The following CYP2C8 variants were observed in gnomAD, a reference collection of about 807,000 sequenced individuals.
The protein encoded by CYP2C8 is cytochrome P450 family 2 subfamily C member 8, also known as cytochrome P450 2C8.
In CYP2C8, 51 loss-of-function variants were observed where a neutral mutation model predicts 41.3. The observed-to-expected ratio is 1.24, with a 90% confidence interval of 0.99 to 1.56. The LOEUF is 1.56. Among genes scored for constraint, CYP2C8 ranks in the 40% most tolerant of loss-of-function variants. CYP2C8 has a pLI of 0.00. For missense variants in CYP2C8, 651 were observed against 579.9 expected, an observed-to-expected ratio of 1.12 and a Z score of -1.26; for synonymous variants, 218 against 205.8, an observed-to-expected ratio of 1.06 and a Z score of -0.51.
chr10:95,055,353 A>G (rs1430818163), intron 5 of CYP2C8, among the ~76,000 whole-genome samples: 8 of 152,126 alleles, frequency 5.3e-5, no homozygotes, highest in Admixed American at 1.3e-4. Context: ...CTAAAGGAAG[A>G]GTTTCAAAAA....
intron 6 of CYP2C8, among the ~76,000 whole-genome samples, chr10:95,043,535 T>G (rs1171736807): frequency 6.6e-6 from 1 of 152,156 alleles, no homozygotes; most frequent in African/African-American, 2.4e-5. Context: ...ATTCTTCCAT[T>G]TCCAATTGTG....
At chr10:95,058,282 G>A (rs1384306898) in intron 5 of CYP2C8, 53 bp downstream of exon 5, 29 of 1,608,028 alleles carry the variant, frequency 1.8e-5, no homozygotes, top group Non-Finnish European at 2.3e-5. Context: ...AGGATTCGAT[G>A]AATCACAAAA....
At chr10:95,049,614 C>A (rs946062443) in intron 5 of CYP2C8, among the ~76,000 whole-genome samples, 2 of 152,116 alleles carry the variant, frequency 1.3e-5, no homozygotes, top group East Asian at 3.9e-4. Context: ...TTTCTACAAG[C>A]CTCATCACTG....
intron 4 of CYP2C8, among the ~76,000 whole-genome samples, chr10:95,059,049 C>G (rs552401893): frequency 8.5e-5 from 13 of 152,160 alleles, no homozygotes; most frequent in East Asian, 3.9e-4. Context: ...ATCATTGTTG[C>G]ACATTTGGCT....
In CYP2C8 at chr10:95,058,369, T is replaced by C. The variant is rs780136126; in HGVS notation, c.785A>G (p.Asp262Gly). The C allele has an allele frequency of 6.2e-7, 1 of 1,613,452 alleles. No individual in the cohort carries two copies. The highest frequency in any genetic ancestry group is 1.1e-5 in the South Asian group (1 of 91,070). ...TTTGATCAGGAAGCAATCGATAAAG[T>C]CCCGAGGATTGTTAACATCCAGTGA... ...QASLDVNNPRDFIDCFLIKME... is the reference protein window; with the variant it reads ...QASLDVNNPRGFIDCFLIKME... The change falls in exon 5 of 9, where the codon GAC (aspartate) becomes GGC (glycine). Residue 262 changes from aspartate (D) to glycine (G), a missense_variant. By Grantham distance (94) the Asp-to-Gly change is moderately conservative. Transcript: ENST00000371270.
At chr10:95,050,765 C>T (rs991918098) in intron 5 of CYP2C8, among the ~76,000 whole-genome samples, 1 of 152,106 alleles carries the variant, frequency 6.6e-6, no homozygotes, top group South Asian at 2.1e-4. Flanking sequence ...AACTCATTTC[C>T]CATTTATTAA....
intron 4 of CYP2C8, among the ~76,000 whole-genome samples, chr10:95,061,885 A>G (rs2033444548): frequency 6.6e-6 from 1 of 152,060 alleles, no homozygotes; most frequent in Non-Finnish European, 1.5e-5. Flanking sequence ...TTCTGCCTTC[A>G]TTTCTTTAGG....
intron 4 of CYP2C8, among the ~76,000 whole-genome samples, chr10:95,060,828 A>C (rs1029956765): frequency 6.6e-6 from 1 of 152,130 alleles, no homozygotes; most frequent in Non-Finnish European, 1.5e-5. Flanking sequence ...ATCAATACCT[A>C]ATTTATTGAG....
chr10:95,044,758 T>G (rs1405939252), intron 6 of CYP2C8, among the ~76,000 whole-genome samples: 2 of 152,196 alleles, frequency 1.3e-5, no homozygotes, highest in Non-Finnish European at 2.9e-5. Context: ...AAAGGAGTTA[T>G]GGAGGAAACT....
At chr10:95,051,388 A>T in intron 5 of CYP2C8, among the ~76,000 whole-genome samples, 1 of 152,180 alleles carries the variant, frequency 6.6e-6, no homozygotes, top group East Asian at 1.9e-4. Flanking sequence ...TGCAAATCTA[A>T]GAGTTATTGG....
intron 7 of CYP2C8, 142 bp from the exon 8 acceptor site, chr10:95,039,180 G>C: frequency 1.3e-6 from 1 of 754,550 alleles, no homozygotes; most frequent in East Asian, 2.6e-5. Flanking sequence ...ACATGGATGA[G>C]CTTAAGGCCA....
rs1326941019 is a variant in CYP2C8 at position 95,067,303 on chromosome 10, G to T, written c.386C>A (p.Thr129Lys). 1 of 1,614,160 alleles carries T rather than the reference G, an allele frequency of 6.2e-7. No individual in the cohort carries two copies. The highest frequency in any genetic ancestry group is 1.3e-5 in the African/African-American group (1 of 75,026). The change falls in exon 3 of 9, where the codon ACA becomes AAA. Residue 129 changes from threonine (T) to lysine (K), a missense_variant. By Grantham distance (78) the Thr-to-Lys change is moderately conservative. Coordinates refer to ENST00000371270, the MANE Select transcript of CYP2C8 (RefSeq NM_000770.3). ...RWKEIRRFSL[T>K]TLRNFGMGKR... is the part of the protein sequence containing the mutation. ...CCCCATCCCAAAATTCCGCAAGGTT[G>T]TGAGGGAGAAACGCCGGATCTCCTT...
intron 8 of CYP2C8, 93 bp from the exon 9 acceptor site, chr10:95,037,402 A>G (rs2032907688): frequency 3.8e-6 from 4 of 1,058,842 alleles, no homozygotes; most frequent in African/African-American, 3.2e-5. Context: ...CAGAATATGC[A>G]GTAAATAATT....
intron 3 of CYP2C8, among the ~76,000 whole-genome samples, chr10:95,065,310 G>C (rs1366845925): frequency 6.6e-6 from 1 of 152,174 alleles, no homozygotes; most frequent in Non-Finnish European, 1.5e-5. Flanking sequence ...TGTTTGCAAA[G>C]CCTCTGGACA....
intron 7 of CYP2C8, among the ~76,000 whole-genome samples, chr10:95,039,595 A>G (rs1247923484): frequency 1.3e-5 from 2 of 152,222 alleles, no homozygotes; most frequent in Non-Finnish European, 2.9e-5. Context: ...AAAGATTATC[A>G]CTTTGCAACA....
At position 95,037,085 on chromosome 10, in the gene CYP2C8, T is replaced by C. The variant is rs745902776; in HGVS notation, c.*43A>G. 32 of 1,564,126 alleles carry C rather than the reference T, an allele frequency of 2.0e-5. No individual in the cohort carries two copies. The highest frequency in any genetic ancestry group is 2.8e-5 in the Non-Finnish European group (32 of 1,135,286). On this transcript the variant is annotated 3_prime_UTR_variant, in exon 9 of 9. Transcript: ENST00000371270. Reference sequence around the variant, plus strand: ...GGGAATGTCCTTGATAAAAAAAGAGTTGCAGGTGATAGCAGATCGGCAGCC... The same window carrying C: ...GGGAATGTCCTTGATAAAAAAAGAGCTGCAGGTGATAGCAGATCGGCAGCC...
intron 4 of CYP2C8, among the ~76,000 whole-genome samples, chr10:95,062,999 G>T (rs968928712): frequency 1.3e-5 from 2 of 152,202 alleles, no homozygotes; most frequent in African/African-American, 4.8e-5. Flanking sequence ...AGTTTCTGCC[G>T]AGAGATCCGC....
chr10:95,066,466 A>C (rs1298612303), intron 3 of CYP2C8, among the ~76,000 whole-genome samples: 1 of 152,174 alleles, frequency 6.6e-6, no homozygotes, highest in African/African-American at 2.4e-5. Context: ...AATCTAGTTA[A>C]ACAAATTATT....
In CYP2C8 at chr10:95,067,219, C is replaced by G; in HGVS notation, c.470G>C (p.Arg157Thr). The change falls in exon 3 of 9, where the codon AGA becomes ACA. Residue 157 changes from arginine (R) to threonine (T), a missense_variant. By Grantham distance (71) the Arg-to-Thr change is moderately conservative. Coordinates refer to ENST00000371270, the MANE Select transcript of CYP2C8 (RefSeq NM_000770.3). ...EEAHCLVEELRKTKASPCDPT... is the reference protein window; with the variant it reads ...EEAHCLVEELTKTKASPCDPT... ...GTAGAGTCACCCACCCTTGGTTTTT[C>G]TCAACTCCTCCACAAGGCAGTGAGC... 1 of 1,614,100 alleles carries G rather than the reference C, an allele frequency of 6.2e-7. No individual in the cohort carries two copies. The highest frequency in any genetic ancestry group is 8.5e-7 in the Non-Finnish European group (1 of 1,179,982).
Sources: allele counts gnomAD v4.1 joint callset (sites outside exome capture counted in the v4.1 genomes callset), GRCh38; gene constraint gnomAD v4.1.1; transcripts MANE v1.5; gene names NCBI Gene and HGNC (gene_info 2026-07-23, HGNC 2026-07-21).